Variants in NT5DC3 observed in about 807,000 individuals in gnomAD.
The protein encoded by NT5DC3 is 5'-nucleotidase domain containing 3.
In NT5DC3, 42 loss-of-function variants were observed where a neutral mutation model predicts 67.8. The observed-to-expected ratio is 0.62, with a 90% CI of 0.48 to 0.80. The LOEUF (loss-of-function observed/expected upper bound fraction) is 0.80, where lower values mean the gene tolerates loss of function less well. Ranked by LOEUF, NT5DC3 falls within the 30% of genes least tolerant of loss-of-function variation. The pLI is 0.00. For missense variants in NT5DC3, 570 were observed against 696.4 expected, an observed-to-expected ratio of 0.82 and a Z score of 2.04; for synonymous variants, 237 against 255.6, an observed-to-expected ratio of 0.93 and a Z score of 0.69.
chr12:103,766,612 A>T (rs1884983678), downstream of NT5DC3: 1 of 401,256 alleles, frequency 2.5e-6, no homozygotes, highest in East Asian at 4.6e-5. Flanking sequence ...GGTAACTGTG[A>T]TCTTTCTTCC....
intron 8 of NT5DC3, 67 bp from the exon 9 acceptor site, chr12:103,793,332 T>G: frequency 6.4e-7 from 1 of 1,564,420 alleles, no homozygotes; most frequent in Non-Finnish European, 8.8e-7. Flanking sequence ...AACTTTTTCT[T>G]TCCAATTTCC....
intron 9 of NT5DC3, among the ~76,000 whole-genome samples, chr12:103,790,415 A>G (rs1885993841): frequency 6.6e-6 from 1 of 152,026 alleles, no homozygotes; most frequent in Non-Finnish European, 1.5e-5. Flanking sequence ...AGCTGGGATT[A>G]CAGTTGCATG....
At chr12:103,838,930 T>C (rs1285886194) in intron 1 of NT5DC3, among the ~76,000 whole-genome samples, 1 of 152,106 alleles carries the variant, frequency 6.6e-6, no homozygotes, top group African/African-American at 2.4e-5. Context: ...GGAGAACAAA[T>C]AGTGCTCCAG....
At chr12:103,751,279 C>T in the NT5DC3 span, among the ~76,000 whole-genome samples, 1 of 152,090 alleles carries the variant, frequency 6.6e-6, no homozygotes, top group Non-Finnish European at 1.5e-5. Flanking sequence ...GCCAGGACAG[C>T]ATGGCCAGGA....
At chr12:103,765,937 G>GA (rs1884922374), downstream of NT5DC3, 2 of 379,370 alleles carry the variant, frequency 5.3e-6, no homozygotes, top group Admixed American at 7.4e-5. Context: ...AATATTATTA[G>GA]CCACCTTTTG....
intron 1 of NT5DC3, among the ~76,000 whole-genome samples, chr12:103,835,773 C>G (rs1034467234): frequency 3.9e-5 from 6 of 152,196 alleles, no homozygotes; most frequent in Admixed American, 3.9e-4. Context: ...CAAAATCCTC[C>G]TCGGACTGTC....
In NT5DC3 at chr12:103,793,466, T is replaced by G; in HGVS notation, c.861A>C (p.Lys287Asn). 1 of 1,614,192 alleles carries G rather than the reference T, an allele frequency of 6.2e-7. No homozygotes were observed. Among genetic ancestry groups the G allele is most frequent in the Non-Finnish European group, 8.5e-7 (1 of 1,180,030 alleles). The change falls in exon 8 of 14, where the codon AAA becomes AAC. Residue 287 changes from lysine (K) to asparagine (N), a missense_variant. Transcript: ENST00000392876. ...YAEQTRAVLA[K>N]LADHGKKMFL... The stretch of plus-strand genomic sequence containing the variant: ...ACATCTTCTTGCCATGATCAGCCAG[T>G]TTGGCCAACACTGCGCGGGTCTGCT...
intron 12 of NT5DC3, among the ~76,000 whole-genome samples, chr12:103,781,414 G>T (rs568717257): frequency 6.6e-6 from 1 of 152,336 alleles, no homozygotes; most frequent in African/African-American, 2.4e-5. Flanking sequence ...ATGCCCAGAG[G>T]GGGACCCTGA....
At chr12:103,787,892 T>C (rs1232891296) in intron 10 of NT5DC3, among the ~76,000 whole-genome samples, 1 of 152,102 alleles carries the variant, frequency 6.6e-6, no homozygotes, top group Non-Finnish European at 1.5e-5. Context: ...ATGATAAACA[T>C]TCTCATAGCC....
At chr12:103,840,428 CCCAT>C (rs1888357066) in intron 1 of NT5DC3, among the ~76,000 whole-genome samples, 1 of 149,270 alleles carries the variant, frequency 6.7e-6, no homozygotes, top group African/African-American at 2.5e-5. Flanking sequence ...CTCATTCCAT[CCCAT>C]TCCATCCCAT....
chr12:103,827,054 G>A (rs545887363), intron 1 of NT5DC3, among the ~76,000 whole-genome samples: 5 of 152,256 alleles, frequency 3.3e-5, no homozygotes, highest in South Asian at 4.1e-4. Flanking sequence ...GACCAGCCTG[G>A]CCAACATGGT....
chr12:103,766,270 A>G, downstream of NT5DC3: 2 of 1,613,196 alleles, frequency 1.2e-6, no homozygotes, highest in South Asian at 2.2e-5. Flanking sequence ...CCCCCTTACA[A>G]CCCTCTCTTT....
chr12:103,831,562 C>T (rs536746093), intron 1 of NT5DC3, among the ~76,000 whole-genome samples: 89 of 152,174 alleles, frequency 5.8e-4, no homozygotes, highest in African/African-American at 2.1e-3. Flanking sequence ...AGAGCAAAGA[C>T]CAAAAGAGAG....
the NT5DC3 span, chr12:103,755,126 CTCAA>C: frequency 1.6e-5 from 13 of 792,164 alleles, no homozygotes; most frequent in East Asian, 7.6e-5. Flanking sequence ...CACCCAGTGG[CTCAA>C]TCAATCAGTC....
the NT5DC3 span, among the ~76,000 whole-genome samples, chr12:103,756,821 G>A: frequency 1.3e-5 from 2 of 151,872 alleles, no homozygotes; most frequent in East Asian, 3.9e-4. Context: ...CCATCTCACT[G>A]GTGTAAAAAT....
chr12:103,759,269 A>T, the NT5DC3 span: 2 of 1,613,990 alleles, frequency 1.2e-6, no homozygotes, highest in East Asian at 2.2e-5. Flanking sequence ...GACCCACTCC[A>T]ACCGGTACAA....
chr12:103,808,909 T>C (rs1455002525), intron 2 of NT5DC3, among the ~76,000 whole-genome samples: 2 of 152,236 alleles, frequency 1.3e-5, no homozygotes, highest in African/African-American at 2.4e-5. Flanking sequence ...CACTAGACAC[T>C]TTCCATGACT....
At chr12:103,819,085 C>T (rs975769892) in intron 1 of NT5DC3, among the ~76,000 whole-genome samples, 3 of 152,190 alleles carry the variant, frequency 2.0e-5, no homozygotes, top group Non-Finnish European at 2.9e-5. Flanking sequence ...CAAGGAAAAA[C>T]TACTATGATA....
chr12:103,815,063 ATTGT>A lies in NT5DC3; in HGVS notation c.263_266del (p.Asn88MetfsTer3), dbSNP rs1887190251. 1 of 1,613,560 alleles carries A rather than the reference ATTGT, an allele frequency of 6.2e-7. No individual in the cohort carries two copies. Among genetic ancestry groups the A allele is most frequent in the African/African-American group, 1.3e-5 (1 of 74,910 alleles). ...TTTCAATGTCTGACAGGCTCATTTC[ATTGT>A]TTGAGAAAATGGCATCTGGATTCAA... On this transcript the variant is annotated frameshift_variant, in exon 2 of 14. Transcript: ENST00000392876. LOFTEE classifies it high-confidence loss of function.
Sources: gnomAD v4.1 joint callset for allele counts (sites outside exome capture counted in the v4.1 genomes callset) on GRCh38, gnomAD v4.1.1 for gene constraint, MANE v1.5 for transcripts, NCBI Gene and HGNC (gene_info 2026-07-23, HGNC 2026-07-21) for gene names.